The following ADAM20 variants were observed in gnomAD, a reference collection of about 807,000 sequenced individuals.
The protein encoded by ADAM20 is ADAM metallopeptidase domain 20.
For missense variants in ADAM20, 871 were observed against 883.2 expected, an observed-to-expected ratio of 0.99 and a Z score of 0.18; for synonymous variants, 305 against 310.2, an observed-to-expected ratio of 0.98 and a Z score of 0.18.
Position 70,524,286 on chromosome 14 carries a change from C to T in ADAM20, c.472G>A (p.Val158Ile). 5 of 1,614,016 alleles carry T rather than the reference C, an allele frequency of 3.1e-6. No individual in the cohort carries two copies. The highest frequency in any genetic ancestry group is 4.2e-6 in the Non-Finnish European group (5 of 1,179,950). The stretch of plus-strand genomic sequence containing the variant: ...GTATCATCACTGTCTATCTTATATA[C>T]TAGGTGTTCAAATGTGGCAGAAACA... ...ISVSATFEHL[V>I]YKIDSDDTQF... is the part of the protein sequence containing the mutation. Residue 158 changes from valine to isoleucine, a missense_variant, in exon 2 of 2, where the codon GTA becomes ATA. Physicochemically the swap from Val to Ile is conservative, Grantham distance 29 (BLOSUM62 3). Coordinates refer to ENST00000256389, the MANE Select transcript of ADAM20 (RefSeq NM_003814.5).
At chr14:70,526,843 A>C (rs1883600505) in intron 1 of ADAM20, among the ~76,000 whole-genome samples, 1 of 152,034 alleles carries the variant, frequency 6.6e-6, no homozygotes, top group South Asian at 2.1e-4. Flanking sequence ...ACTCATCAAC[A>C]CCCTATCTTA....
chr14:70,542,360 T>G, the ADAM20 span, among the ~76,000 whole-genome samples: 1 of 152,214 alleles, frequency 6.6e-6, no homozygotes, highest in Non-Finnish European at 1.5e-5. Flanking sequence ...TGGAATGGTG[T>G]GCTTTCCTTT....
chr14:70,536,886 ACT>A (rs1161393720), upstream of ADAM20, among the ~76,000 whole-genome samples: 1 of 147,906 alleles, frequency 6.8e-6, no homozygotes, highest in African/African-American at 2.5e-5. Flanking sequence ...CCTGTGATAA[ACT>A]CTCTCACCCT....
chr14:70,564,838 G>A, the ADAM20 span, among the ~76,000 whole-genome samples: 1 of 146,102 alleles, frequency 6.8e-6, no homozygotes, highest in Non-Finnish European at 1.5e-5. Flanking sequence ...CTTGAAGCCA[G>A]GATTTTAAGA....
the ADAM20 span, among the ~76,000 whole-genome samples, chr14:70,572,549 A>C: frequency 0.015 from 2,351 of 152,302 alleles, 60 homozygotes; most frequent in African/African-American, 0.048. Flanking sequence ...CAAAGAATTT[A>C]TGACTAAGAC....
chr14:70,557,583 A>C, the ADAM20 span: 1 of 152,252 alleles, frequency 6.6e-6, no homozygotes, highest in Non-Finnish European at 1.5e-5. Flanking sequence ...GAAGTATTAC[A>C]AAGTATTCAC....
At chr14:70,563,467 C>A in the ADAM20 span, among the ~76,000 whole-genome samples, 1 of 152,268 alleles carries the variant, frequency 6.6e-6, no homozygotes, top group East Asian at 1.9e-4. Flanking sequence ...AGTTAAAAAA[C>A]TGTGTTGTTC....
the ADAM20 span, among the ~76,000 whole-genome samples, chr14:70,545,820 T>C: frequency 5.4e-4 from 82 of 151,944 alleles, no homozygotes; most frequent in African/African-American, 1.9e-3. Context: ...AGGCAGAAAA[T>C]AAAAAAGAAA....
chr14:70,536,484 A>AAG (rs1883838568), upstream of ADAM20, among the ~76,000 whole-genome samples: 1 of 136,470 alleles, frequency 7.3e-6, no homozygotes, highest in Non-Finnish European at 1.7e-5. Context: ...AAAAAAAAAA[A>AAG]AAAAAAAAAA....
At chr14:70,554,790 TG>T in the ADAM20 span, among the ~76,000 whole-genome samples, 1 of 152,148 alleles carries the variant, frequency 6.6e-6, no homozygotes, top group African/African-American at 2.4e-5. Flanking sequence ...TACAAAGTTT[TG>T]TTAAGAGTTG....
At chr14:70,572,325 G>C in the ADAM20 span, among the ~76,000 whole-genome samples, 24 of 152,214 alleles carry the variant, frequency 1.6e-4, no homozygotes, top group Non-Finnish European at 2.9e-4. Context: ...CTTTGACAAG[G>C]TTGGCAAAAC....
chr14:70,579,110 A>G, the ADAM20 span, among the ~76,000 whole-genome samples: 2 of 152,096 alleles, frequency 1.3e-5, no homozygotes, highest in African/African-American at 4.8e-5. Flanking sequence ...GACTGATTCC[A>G]TGTCTTTGCT....
the ADAM20 span, among the ~76,000 whole-genome samples, chr14:70,569,453 T>C: frequency 6.6e-6 from 1 of 152,144 alleles, no homozygotes; most frequent in Non-Finnish European, 1.5e-5. Flanking sequence ...ATGGTCTAAA[T>C]ACCCTACTCA....
At chr14:70,561,536 A>G in the ADAM20 span, among the ~76,000 whole-genome samples, 31,023 of 152,284 alleles carry the variant, frequency 0.2, 3,860 homozygotes, top group South Asian at 0.31. Flanking sequence ...GACAATGGGG[A>G]AAATGTCTGC....
chr14:70,529,346 AG>A (rs1310289753), intron 1 of ADAM20, among the ~76,000 whole-genome samples: 1 of 152,236 alleles, frequency 6.6e-6, no homozygotes, highest in African/African-American at 2.4e-5. Flanking sequence ...TGACCACAAT[AG>A]AATGAGACTA....
chr14:70,556,325 C>T, the ADAM20 span: 1 of 152,402 alleles, frequency 6.6e-6, no homozygotes, highest in South Asian at 2.1e-4. Context: ...GCCTAAAAGG[C>T]TCTTCCTTTC....
upstream of ADAM20, chr14:70,535,092 A>C (rs1304607712): frequency 6.6e-6 from 1 of 152,220 alleles, no homozygotes; most frequent in Non-Finnish European, 1.5e-5. Flanking sequence ...TGCCCTATTG[A>C]CCCAAGTGTG....
At position 70,524,566 on chromosome 14, in the gene ADAM20, G is replaced by A; in HGVS notation, c.192C>T (p.Ser64=). 1 of 1,613,966 alleles carries A rather than the reference G, an allele frequency of 6.2e-7. No homozygotes were observed. The highest frequency in any genetic ancestry group is 8.5e-7 in the Non-Finnish European group (1 of 1,179,942). ...GAKAPGWLSY[S]LRFGGQRYIV... ...TGTATCTCTGTCCCCCAAACCGCAG[G>A]CTATAGGAGAGCCATCCAGGAGCCT... The change falls in exon 2 of 2, where the codon AGC becomes AGT. Residue 64 remains serine, a synonymous_variant. Coordinates refer to ENST00000256389, the MANE Select transcript of ADAM20 (RefSeq NM_003814.5).
chr14:70,574,704 G>A, the ADAM20 span, among the ~76,000 whole-genome samples: 1 of 151,836 alleles, frequency 6.6e-6, no homozygotes, highest in Non-Finnish European at 1.5e-5. Flanking sequence ...TACATCTCAA[G>A]GAATTAGAGA....
Sources: gnomAD v4.1 joint callset for allele counts (sites outside exome capture counted in the v4.1 genomes callset) on GRCh38, gnomAD v4.1.1 for gene constraint, MANE v1.5 for transcripts, NCBI Gene and HGNC (gene_info 2026-07-23, HGNC 2026-07-21) for gene names.